Variants in CNIH3 observed in about 807,000 individuals in gnomAD.
CNIH3 encodes the protein protein cornichon homolog 3.
In CNIH3, 14 loss-of-function variants were observed where a neutral mutation model predicts 24.1. The observed-to-expected ratio is 0.58, with a 90% confidence interval of 0.38 to 0.91. The LOEUF (loss-of-function observed/expected upper bound fraction) is 0.91. Ranked by LOEUF, CNIH3 falls within the 40% of genes least tolerant of loss-of-function variation. The pLI is 0.00. For synonymous variants in CNIH3, 68 were observed against 73.8 expected (o/e 0.92, Z 0.40); for missense variants, 178 against 196.8 (o/e 0.90, Z 0.57).
At chr1:224,639,829 A>G (rs1332373262) in intron 1 of CNIH3, among the ~76,000 whole-genome samples, 1 of 152,156 alleles carries the variant, frequency 6.6e-6, no homozygotes, top group African/African-American at 2.4e-5. Context: ...AAGATTATAG[A>G]GAAAGCCTGG....
Position 224,484,356 on chromosome 1 carries a change from G to A in CNIH3, n.204-31385G>A, listed in dbSNP as rs538185959. Among the ~76,000 whole-genome samples, 536 of 151,422 alleles carry A rather than the reference G, an allele frequency of 3.5e-3. 2 individuals carry two copies. Among genetic ancestry groups the A allele is most frequent in the Middle Eastern group, 0.034 (10 of 292 alleles). ...GAGGCAGGAGAATGGCACGAACCTG[G>A]GAGGCGGAGCTTGCAGTGAGCCGAG... is the stretch of plus-strand genomic sequence containing the variant. On this transcript the variant is annotated intron_variant and non_coding_transcript_variant, in intron 1 of 5. Coordinates refer to the CNIH3 transcript ENST00000471578.
At chr1:224,583,246 C>CACAGAA (rs1422736604) in exon 5 of CNIH3, 1 of 152,298 alleles carries the variant, frequency 6.6e-6, no homozygotes, top group Non-Finnish European at 1.5e-5. Flanking sequence ...CCACAGAAGG[C>CACAGAA]TTTCTGGAGG....
At chr1:224,702,796 G>C (rs888924292) in intron 3 of CNIH3, among the ~76,000 whole-genome samples, 1 of 152,130 alleles carries the variant, frequency 6.6e-6, no homozygotes. Context: ...ACTTCTACTA[G>C]AGACCTTGCA....
chr1:224,575,111 G>A (rs765495475), intron 4 of CNIH3: 67 of 897,312 alleles, frequency 7.5e-5, no homozygotes, highest in Non-Finnish European at 1.2e-4. Context: ...CCAAGCCTGA[G>A]GACCCTTCCC....
At chr1:224,698,386 A>G (rs1687291601) in intron 3 of CNIH3, among the ~76,000 whole-genome samples, 2 of 152,224 alleles carry the variant, frequency 1.3e-5, no homozygotes, top group South Asian at 4.1e-4. Flanking sequence ...CAGCTCTGCT[A>G]TTGTGGCCTT....
intron 3 of CNIH3, among the ~76,000 whole-genome samples, chr1:224,727,742 T>A (rs1689111450): frequency 1.3e-5 from 2 of 152,108 alleles, no homozygotes; most frequent in South Asian, 4.1e-4. Context: ...TAGGCAAGGA[T>A]CAGTGTGTGT....
intron 1 of CNIH3, among the ~76,000 whole-genome samples, chr1:224,452,585 T>C (rs900379086): frequency 5.3e-4 from 79 of 149,000 alleles, no homozygotes; most frequent in Admixed American, 6.7e-4. Flanking sequence ...ATTGAGACCA[T>C]CCTGGCTAAC....
chr1:224,627,248 A>T (rs758689629), intron 1 of CNIH3, among the ~76,000 whole-genome samples: 3 of 151,524 alleles, frequency 2.0e-5, no homozygotes, highest in Non-Finnish European at 4.4e-5. Flanking sequence ...TTGTTTTGAG[A>T]CGAGGTCTGG....
rs147738737 is a variant in CNIH3 at position 224,638,541 on chromosome 1, C to T, written c.81+21286C>T. 3.8e-3 allele frequency among the ~76,000 whole-genome samples: 579 copies of T among 152,270 alleles called. 6 individuals carry two copies. Among genetic ancestry groups the T allele is most frequent in the African/African-American group, 0.013 (550 of 41,550 alleles). ...CCTTTCCTGACTTTACCAGCGGTGC[C>T]GTAACATTCTGGGCCCCAGTTTCCT... On this transcript the variant is annotated intron_variant, in intron 1 of 5. Transcript: ENST00000272133.
intron 1 of CNIH3, among the ~76,000 whole-genome samples, chr1:224,673,601 C>G (rs6676444): frequency 0.22 from 32,808 of 152,040 alleles, 3,575 homozygotes; most frequent in East Asian, 0.26. Flanking sequence ...CCTCTCTACT[C>G]CCGATTCTGT....
upstream of CNIH3, chr1:224,513,944 A>G: frequency 6.6e-6 from 1 of 152,252 alleles, no homozygotes; most frequent in Non-Finnish European, 1.5e-5. Context: ...TGGGTGAGCG[A>G]CAGGGCCTGA....
chr1:224,449,070 T>TTC (rs1314064527), intron 1 of CNIH3, among the ~76,000 whole-genome samples: 2 of 151,608 alleles, frequency 1.3e-5, no homozygotes, highest in African/African-American at 4.9e-5. Context: ...GTTCAAGTGA[T>TTC]TCTCCTGCCT....
chr1:224,694,942 G>A (rs938434311), intron 3 of CNIH3, among the ~76,000 whole-genome samples: 3 of 152,108 alleles, frequency 2.0e-5, no homozygotes, highest in Non-Finnish European at 4.4e-5. Flanking sequence ...TTGGGGGAAA[G>A]GTGGGAGGGG....
At chr1:224,722,384 A>G (rs1287762517) in intron 3 of CNIH3, among the ~76,000 whole-genome samples, 1 of 152,204 alleles carries the variant, frequency 6.6e-6, no homozygotes, top group Non-Finnish European at 1.5e-5. Flanking sequence ...CAAGTGCTCT[A>G]GGCAATTTGG....
chr1:224,542,969 G>A (rs921017041), intron 2 of CNIH3, among the ~76,000 whole-genome samples: 2 of 152,188 alleles, frequency 1.3e-5, no homozygotes, highest in African/African-American at 4.8e-5. Flanking sequence ...CTAATGAGGT[G>A]ACTCATGCTA....
At chr1:224,575,398 A>C in intron 4 of CNIH3, 4 of 1,081,598 alleles carry the variant, frequency 3.7e-6, no homozygotes, top group Non-Finnish European at 4.3e-6. Context: ...GAAGCTGTGG[A>C]TGCCTGCTTG....
intron 4 of CNIH3, among the ~76,000 whole-genome samples, chr1:224,578,913 GC>G (rs1681149748): frequency 6.6e-6 from 1 of 152,078 alleles, no homozygotes; most frequent in African/African-American, 2.4e-5. Flanking sequence ...AGTTCAGAGG[GC>G]CCTTTCAATC....
intron 2 of CNIH3, among the ~76,000 whole-genome samples, chr1:224,526,045 C>T (rs570393293): frequency 1.3e-5 from 2 of 152,308 alleles, no homozygotes; most frequent in African/African-American, 4.8e-5. Flanking sequence ...CAGCTGGGCA[C>T]TGTGTCACAT....
At chr1:224,540,580 C>T (rs1243700387), downstream of CNIH3, among the ~76,000 whole-genome samples, 1 of 152,158 alleles carries the variant, frequency 6.6e-6, no homozygotes, top group African/African-American at 2.4e-5. Context: ...GGGAGATACC[C>T]AGCTTTGAAG....
Sources: gnomAD v4.1 joint callset for allele counts (sites outside exome capture counted in the v4.1 genomes callset) on GRCh38, gnomAD v4.1.1 for gene constraint, MANE v1.5 for transcripts, NCBI Gene and HGNC (gene_info 2026-07-23, HGNC 2026-07-21) for gene names.